Variants in P2RY1 observed in about 807,000 individuals in gnomAD.
The protein encoded by P2RY1 is P2Y purinoceptor 1.
A neutral mutation model predicts 22.8 loss-of-function variants in P2RY1; 14 were observed. The ratio of observed to expected loss-of-function variants is 0.61; its 90% CI spans 0.41 to 0.96. The LOEUF (loss-of-function observed/expected upper bound fraction) is 0.96, where lower values mean the gene tolerates loss of function less well. Among genes scored for constraint, P2RY1 ranks in the 40% least tolerant of loss-of-function variants. The pLI is 0.00. For missense variants in P2RY1, 395 were observed against 470.3 expected, an observed-to-expected ratio of 0.84 and a Z score of 1.48; for synonymous variants, 200 against 195.1, an observed-to-expected ratio of 1.03 and a Z score of -0.21.
Position 152,839,573 on chromosome 3 carries a change from TTTA to T in P2RY1, c.*2670_*2672del, listed in dbSNP as rs1282351296. ...TTGACTCTTTGAACATCAATTTGTG[TTTA>T]CATTGAAATGACAAAAAGACAAACT... On this transcript the variant is annotated 3_prime_UTR_variant, in exon 1 of 1. Transcript: ENST00000305097. 6.6e-6 allele frequency: 1 copy of T among 152,188 alleles called. No homozygotes were observed. The highest frequency in any genetic ancestry group is 1.9e-4 in the East Asian group (1 of 5,204). The allele number at this position is 152,188 out of a possible 1,614,324, so 9.4% of individuals were successfully genotyped here. A position where few individuals can be genotyped will look rare whatever the true frequency, so the allele number is the denominator to read the frequency against.
chr3:152,836,931 C>T lies in P2RY1; in HGVS notation c.*27C>T. ...GGCACAAGAATCTCCAAACACCTCT[C>T]TGTTGTAATATGGTAGGATGCTTAA... On this transcript the variant is annotated 3_prime_UTR_variant, in exon 1 of 1. Coordinates refer to ENST00000305097, the MANE Select transcript of P2RY1 (RefSeq NM_002563.5). This position sits in a 1 kb window ranked among gnomAD's most constrained non-coding sequence, Gnocchi z 5.6. 6.5e-7 allele frequency: 1 copy of T among 1,546,152 alleles called. No individual in the cohort carries two copies. The highest frequency in any genetic ancestry group is 8.8e-7 in the Non-Finnish European group (1 of 1,134,670).
At position 152,835,947 on chromosome 3, in the gene P2RY1, G is replaced by A; in HGVS notation, c.165G>A (p.Pro55=). Reference sequence around the variant, plus strand: ...CGGGCTTCCAGTTTTACTACCTGCCGGCTGTCTACATCTTGGTATTCATCA... The same window carrying A: ...CGGGCTTCCAGTTTTACTACCTGCCAGCTGTCTACATCTTGGTATTCATCA... ...TKTGFQFYYL[P]AVYILVFIIG... is the part of the protein sequence containing the mutation. The change falls in exon 1 of 1, where the codon CCG becomes CCA. Residue 55 remains proline (P), a synonymous_variant. Coordinates refer to ENST00000305097, the MANE Select transcript of P2RY1 (RefSeq NM_002563.5). 6.2e-7 allele frequency: 1 copy of A among 1,614,148 alleles called. No homozygotes were observed. Among genetic ancestry groups the A allele is most frequent in the Non-Finnish European group, 8.5e-7 (1 of 1,180,026 alleles).
Position 152,838,628 on chromosome 3 carries a change from C to T in P2RY1, c.*1724C>T, listed in dbSNP as rs1404588536. ...GGTCTTGATTTCAGTTCTTGCAATG[C>T]CTATGTAGATTGAGGATTTGTGAGA... On this transcript the variant is annotated 3_prime_UTR_variant, in exon 1 of 1. Coordinates refer to ENST00000305097, the MANE Select transcript of P2RY1 (RefSeq NM_002563.5). The T allele has an allele frequency of 6.6e-6, 1 of 152,118 alleles. No homozygotes were observed. The highest frequency in any genetic ancestry group is 1.5e-5 in the Non-Finnish European group (1 of 68,014). The allele number at this position is 152,118 out of a possible 1,614,324, so 9.4% of individuals were successfully genotyped here.
At position 152,838,235 on chromosome 3, in the gene P2RY1, C is replaced by A. The variant is rs1362071965; in HGVS notation, c.*1331C>A. On this transcript the variant is annotated 3_prime_UTR_variant, in exon 1 of 1. Coordinates refer to ENST00000305097, the MANE Select transcript of P2RY1 (RefSeq NM_002563.5). ...TACTACTCAAACTACTAATAGAAGA[C>A]TATTGGTCAGTGTTTTCTATTATAT... 1 of 152,118 alleles carries A rather than the reference C, an allele frequency of 6.6e-6. No homozygotes were observed. Among genetic ancestry groups the A allele is most frequent in the East Asian group, 1.9e-4 (1 of 5,196 alleles). 9.4% of individuals were successfully genotyped at this position (152,118 alleles called of 1,614,324 possible). A position where few individuals can be genotyped will look rare whatever the true frequency, so the allele number is the denominator to read the frequency against.
rs115814854 is a variant in P2RY1, at chr3:152,838,700, A to T, written c.*1796A>T. The T allele has an allele frequency of 6.6e-6, 1 of 152,206 alleles. No homozygotes were observed. The allele number at this position is 152,206 out of a possible 1,614,324, so 9.4% of individuals were successfully genotyped here. ...ACCCAATCTCTGGCCACTAAGATCA[A>T]TGAAGAAAAGCTGTATTTAACCTTC... On this transcript the variant is annotated 3_prime_UTR_variant, in exon 1 of 1. Transcript: ENST00000305097.
chr3:152,839,776 G>T lies in P2RY1; in HGVS notation c.*2872G>T, dbSNP rs1237001622. ...AAGCATGAAAACTAAACAGCCAGGA[G>T]CCTGTGAAATCTGCTACTGTATTTT... On this transcript the variant is annotated 3_prime_UTR_variant, in exon 1 of 1. Coordinates refer to ENST00000305097, the MANE Select transcript of P2RY1 (RefSeq NM_002563.5). The T allele has an allele frequency of 6.6e-6, 1 of 152,196 alleles. No homozygotes were observed. The highest frequency in any genetic ancestry group is 2.4e-5 in the African/African-American group (1 of 41,444). The allele number at this position is 152,196 out of a possible 1,614,324, so 9.4% of individuals were successfully genotyped here. A position where few individuals can be genotyped will look rare whatever the true frequency, so the allele number is the denominator to read the frequency against.
At position 152,835,633 on chromosome 3, in the gene P2RY1, G is replaced by C; in HGVS notation, c.-150G>C. 1.4e-6 allele frequency: 1 copy of C among 739,776 alleles called. No individual in the cohort carries two copies. Among genetic ancestry groups the C allele is most frequent in the Non-Finnish European group, 2.1e-6 (1 of 470,422 alleles). 45.8% of individuals were successfully genotyped at this position (739,776 alleles called of 1,614,324 possible). On this transcript the variant is annotated 5_prime_UTR_variant, in exon 1 of 1. Transcript: ENST00000305097. ...ACGCGGGGCCAGAGCTGGCGTGGGC[G>C]AGCCCCTGCGCGCCCCCTCCCGCGG...
At position 152,835,688 on chromosome 3, in the gene P2RY1, G is replaced by A. The variant is rs1398154604; in HGVS notation, c.-95G>A. On this transcript the variant is annotated 5_prime_UTR_variant, in exon 1 of 1. Transcript: ENST00000305097. ...CCAGTTCGCCTGCTCCCTTCCGCTCGCTGGCTTTTCCGATGCTTGCTGCGC... is the reference window on the plus strand; with the variant it reads ...CCAGTTCGCCTGCTCCCTTCCGCTCACTGGCTTTTCCGATGCTTGCTGCGC... 10 of 1,264,444 alleles carry A rather than the reference G, an allele frequency of 7.9e-6. No individual in the cohort carries two copies. The highest frequency in any genetic ancestry group is 1.1e-5 in the Non-Finnish European group (10 of 935,528). 78.3% of individuals were successfully genotyped at this position (1,264,444 alleles called of 1,614,324 possible).
chr3:152,837,021 G>A lies in P2RY1; in HGVS notation c.*117G>A, dbSNP rs1716183186. 2 of 808,720 alleles carry A rather than the reference G, an allele frequency of 2.5e-6. No homozygotes were observed. The highest frequency in any genetic ancestry group is 2.9e-5 in the Admixed American group (1 of 34,462). The allele number at this position is 808,720 out of a possible 1,614,324, so 50.1% of individuals were successfully genotyped here. A position where few individuals can be genotyped will look rare whatever the true frequency, so the allele number is the denominator to read the frequency against. On this transcript the variant is annotated 3_prime_UTR_variant, in exon 1 of 1. Coordinates refer to ENST00000305097, the MANE Select transcript of P2RY1 (RefSeq NM_002563.5). ...AGAAAAAAATCAAACCAAGAAAATA[G>A]TGAGTTAAAAAAATAATAGAAGTAG... is the stretch of plus-strand genomic sequence containing the variant.
rs1576604741 is a variant in P2RY1 at position 152,837,195 on chromosome 3, A to C, written c.*291A>C. 9.1e-6 allele frequency: 3 copies of C among 330,920 alleles called. No individual in the cohort carries two copies. 20.5% of individuals were successfully genotyped at this position (330,920 alleles called of 1,614,324 possible). ...AAAATGTGCAGGCTTTTCTGTTTAA[A>C]GTGTGTGTGCACATGAGTACTGGGG... On this transcript the variant is annotated 3_prime_UTR_variant, in exon 1 of 1. Coordinates refer to ENST00000305097, the MANE Select transcript of P2RY1 (RefSeq NM_002563.5).
In P2RY1 at chr3:152,835,685, C is replaced by T. The variant is rs1455854399; in HGVS notation, c.-98C>T. The T allele has an allele frequency of 8.0e-7, 1 of 1,242,748 alleles. No individual in the cohort carries two copies. The highest frequency in any genetic ancestry group is 1.5e-5 in the South Asian group (1 of 65,508). 77.0% of individuals were successfully genotyped at this position (1,242,748 alleles called of 1,614,324 possible). A position where few individuals can be genotyped will look rare whatever the true frequency, so the allele number is the denominator to read the frequency against. ...GATCCAGTTCGCCTGCTCCCTTCCG[C>T]TCGCTGGCTTTTCCGATGCTTGCTG... On this transcript the variant is annotated 5_prime_UTR_variant, in exon 1 of 1. Transcript: ENST00000305097.
In P2RY1 at chr3:152,835,672, C is replaced by G; in HGVS notation, c.-111C>G. On this transcript the variant is annotated 5_prime_UTR_variant, in exon 1 of 1. Transcript: ENST00000305097. ...CCCCTCCCGCGGGGATCCAGTTCGC[C>G]TGCTCCCTTCCGCTCGCTGGCTTTT... 1 of 1,100,272 alleles carries G rather than the reference C, an allele frequency of 9.1e-7. No homozygotes were observed. The highest frequency in any genetic ancestry group is 1.6e-5 in the South Asian group (1 of 61,462). 68.2% of individuals were successfully genotyped at this position (1,100,272 alleles called of 1,614,324 possible).
Position 152,835,998 on chromosome 3 carries a change from C to T in P2RY1, c.216C>T (p.Ala72=). The T allele has an allele frequency of 6.2e-7, 1 of 1,614,212 alleles. No individual in the cohort carries two copies. The highest frequency in any genetic ancestry group is 8.5e-7 in the Non-Finnish European group (1 of 1,180,032). The part of the protein sequence containing the change: ...FIIGFLGNSV[A]IWMFVFHMKP... The stretch of plus-strand genomic sequence containing the variant: ...TCGGCTTCCTGGGCAACAGCGTGGC[C>T]ATCTGGATGTTCGTCTTCCACATGA... Residue 72 remains alanine, a synonymous_variant, in exon 1 of 1, where the codon GCC becomes GCT. Coordinates refer to ENST00000305097, the MANE Select transcript of P2RY1 (RefSeq NM_002563.5).
rs537963932 is a variant in P2RY1 at position 152,839,325 on chromosome 3, G to A, written c.*2421G>A. 6.6e-6 allele frequency: 1 copy of A among 152,312 alleles called. No homozygotes were observed. The highest frequency in any genetic ancestry group is 2.1e-4 in the South Asian group (1 of 4,824). The allele number at this position is 152,312 out of a possible 1,614,324, so 9.4% of individuals were successfully genotyped here. On this transcript the variant is annotated 3_prime_UTR_variant, in exon 1 of 1. Coordinates refer to ENST00000305097, the MANE Select transcript of P2RY1 (RefSeq NM_002563.5). ...GCCTCTGGGAAGGTGTGCCAATGGT[G>A]AAAACGTACAGAGGGTCAGGGTGAA...
At position 152,835,887 on chromosome 3, in the gene P2RY1, C is replaced by G; in HGVS notation, c.105C>G (p.Ala35=). ...ACAGCACGGTCGCCTCCACTGCCGC[C>G]GTCTCCTCGTCGTTCAAATGCGCCT... is the stretch of plus-strand genomic sequence containing the variant. ...WGNSTVASTA[A]VSSSFKCALT... is the part of the protein sequence containing the mutation. The change falls in exon 1 of 1, where the codon GCC becomes GCG. Residue 35 remains alanine (A), a synonymous_variant. Transcript: ENST00000305097. The G allele has an allele frequency of 2.5e-6, 4 of 1,614,050 alleles. No homozygotes were observed. Among genetic ancestry groups the G allele is most frequent in the Middle Eastern group, 1.7e-4 (1 of 5,974 alleles).
In P2RY1 at chr3:152,836,695, A is replaced by G; in HGVS notation, c.913A>G (p.Thr305Ala). Residue 305 changes from threonine (T) to alanine (A), a missense_variant, in exon 1 of 1, where the codon ACG becomes GCG. By Grantham distance (58) the Thr-to-Ala change is moderately conservative. Around this residue, in one of 3 missense-constraint regions of P2RY1, gnomAD observed 291 missense variants for 361.6 expected, o/e 0.80. Transcript: ENST00000305097. This position sits in a 1 kb window ranked among gnomAD's most constrained non-coding sequence, Gnocchi z 5.6. ...MCAFNDRVYA[T>A]YQVTRGLASL... ...TGCTTTCAATGACAGGGTTTATGCC[A>G]CGTATCAGGTGACAAGAGGTCTAGC... 1 of 1,614,150 alleles carries G rather than the reference A, an allele frequency of 6.2e-7. No individual in the cohort carries two copies. The highest frequency in any genetic ancestry group is 1.1e-5 in the South Asian group (1 of 91,072).
rs1716142326 is a variant in P2RY1, at chr3:152,835,873, G to A, written c.91G>A (p.Ala31Thr). Residue 31 changes from alanine to threonine, a missense_variant, in exon 1 of 1, where the codon GCC becomes ACC. By Grantham distance (58) the Ala-to-Thr change is moderately conservative. Around this residue, in one of 3 missense-constraint regions of P2RY1, gnomAD observed 98 missense variants for 87.7 expected, o/e 1.12. Transcript: ENST00000305097. Reference sequence around the variant, plus strand: ...TTCGTCCTGGGGGAACAGCACGGTCGCCTCCACTGCCGCCGTCTCCTCGTC... The same window carrying A: ...TTCGTCCTGGGGGAACAGCACGGTCACCTCCACTGCCGCCGTCTCCTCGTC... ...PGSSWGNSTV[A>T]STAAVSSSFK... 2 of 1,613,704 alleles carry A rather than the reference G, an allele frequency of 1.2e-6. No individual in the cohort carries two copies. Among genetic ancestry groups the A allele is most frequent in the African/African-American group, 2.7e-5 (2 of 75,032 alleles).
Position 152,836,314 on chromosome 3 carries a change from A to G in P2RY1, c.532A>G (p.Ile178Val). Residue 178 changes from isoleucine (I) to valine (V), a missense_variant, in exon 1 of 1, where the codon ATT becomes GTT. Coordinates refer to ENST00000305097, the MANE Select transcript of P2RY1 (RefSeq NM_002563.5). The surrounding 1 kb of genome is among the most constrained non-coding windows in gnomAD (Gnocchi z 5.6). ...CTGTATCAGCGTGCTGGTGTGGCTCATTGTGGTGGTGGCGATCTCCCCCAT... is the reference window on the plus strand; with the variant it reads ...CTGTATCAGCGTGCTGGTGTGGCTCGTTGTGGTGGTGGCGATCTCCCCCAT... ...AICISVLVWL[I>V]VVVAISPILF... The G allele has an allele frequency of 6.2e-7, 1 of 1,614,084 alleles. No homozygotes were observed. Among genetic ancestry groups the G allele is most frequent in the African/African-American group, 1.3e-5 (1 of 75,006 alleles).
At position 152,835,879 on chromosome 3, in the gene P2RY1, A is replaced by G. The variant is rs760951934; in HGVS notation, c.97A>G (p.Thr33Ala). The part of the protein sequence containing the change: ...SSWGNSTVAS[T>A]AAVSSSFKCA... ...CTGGGGGAACAGCACGGTCGCCTCCACTGCCGCCGTCTCCTCGTCGTTCAA... is the reference window on the plus strand; with the variant it reads ...CTGGGGGAACAGCACGGTCGCCTCCGCTGCCGCCGTCTCCTCGTCGTTCAA... Residue 33 changes from threonine to alanine, a missense_variant, in exon 1 of 1, where the codon ACT (threonine) becomes GCT (alanine). Transcript: ENST00000305097. 11 of 1,613,758 alleles carry G rather than the reference A, an allele frequency of 6.8e-6. No individual in the cohort carries two copies. In the South Asian group the frequency reaches 1.2e-4, roughly 18 times the overall value.
Sources: gnomAD v4.1 joint callset for allele counts on GRCh38, gnomAD v4.1.1 for gene constraint, gnomAD v4.1.1 regional missense constraint, Gnocchi (gnomAD v3.1) non-coding constraint, MANE v1.5 for transcripts, NCBI Gene and HGNC (gene_info 2026-07-23, HGNC 2026-07-21) for gene names.